Variants in PHF14 observed in about 807,000 individuals in gnomAD.
The protein encoded by PHF14 is PHD finger protein 14.
Under a neutral mutation model 117.9 loss-of-function variants are expected in PHF14, and 55 were observed. The ratio of observed to expected loss-of-function variants is 0.47; its 90% confidence interval spans 0.38 to 0.58. The LOEUF (loss-of-function observed/expected upper bound fraction) is 0.58. Among genes scored for constraint, PHF14 ranks in the 20% least tolerant of loss-of-function variants. The probability of loss-of-function intolerance (pLI) is 0.00; values close to 1 mark genes in which losing one functional copy is unlikely to be tolerated. For synonymous variants in PHF14, 409 were observed against 368.6 expected, an observed-to-expected ratio of 1.11 and a Z score of -1.26; for missense variants, 978 against 1,122.2, an observed-to-expected ratio of 0.87 and a Z score of 1.84.
At chr7:11,053,385 G>T (rs1174033392) in intron 14 of PHF14, among the ~76,000 whole-genome samples, 4 of 151,918 alleles carry the variant, frequency 2.6e-5, no homozygotes, top group Non-Finnish European at 4.4e-5. Context: ...TTTATTTGTA[G>T]TTTCAACTGT....
chr7:11,055,566 A>G (rs922052310), intron 14 of PHF14, among the ~76,000 whole-genome samples: 15 of 152,202 alleles, frequency 9.9e-5, no homozygotes, highest in Admixed American at 2.0e-4. Context: ...ACTGAAAACC[A>G]TATTGTTTTT....
intron 4 of PHF14, among the ~76,000 whole-genome samples, chr7:11,000,034 G>A (rs73678547): frequency 0.02 from 3,087 of 152,258 alleles, 121 homozygotes; most frequent in African/African-American, 0.071. Flanking sequence ...TGCATAAATA[G>A]GGAAGCTGAA....
At chr7:11,012,148 T>C (rs1009523850) in intron 4 of PHF14, among the ~76,000 whole-genome samples, 1 of 152,242 alleles carries the variant, frequency 6.6e-6, no homozygotes, top group Non-Finnish European at 1.5e-5. Flanking sequence ...GATCAAAACC[T>C]GATTTACCAA....
intron 16 of PHF14, chr7:11,108,915 G>T (rs1052029636): frequency 1.3e-5 from 2 of 151,728 alleles, no homozygotes; most frequent in African/African-American, 2.4e-5. Flanking sequence ...ATGACACAGA[G>T]TTATAAAGTA....
chr7:11,134,404 A>G lies in PHF14; in HGVS notation c.2772+22937A>G, dbSNP rs563343610. On this transcript the variant is annotated intron_variant, in intron 17 of 17. Coordinates refer to ENST00000634607, the MANE Select transcript of PHF14 (RefSeq NM_001007157.2). ...AAAGATTCATTTTATATTGTTTGCTATATAATTTAAAGATTTCATGGAGTA... is the reference window on the plus strand; with the variant it reads ...AAAGATTCATTTTATATTGTTTGCTGTATAATTTAAAGATTTCATGGAGTA... Among the ~76,000 whole-genome samples, 158 of 152,172 alleles carry G rather than the reference A, an allele frequency of 1.0e-3. 2 individuals are homozygous for G. Among genetic ancestry groups the G allele is most frequent in the Non-Finnish European group, 1.6e-3 (112 of 67,918 alleles).
chr7:11,043,350 ATGAGTTTTAT>A, intron 13 of PHF14, among the ~76,000 whole-genome samples: 1 of 152,020 alleles, frequency 6.6e-6, no homozygotes, highest in Admixed American at 6.6e-5. Context: ...AGTATCTATA[ATGAGTTTTAT>A]CCTTTTCTTA....
Position 11,169,472 on chromosome 7 carries a change from G to GA in PHF14, c.2834dup (p.Asn945LysfsTer10), listed in dbSNP as rs1156590475. On this transcript the variant is annotated frameshift_variant, in exon 18 of 18. Transcript: ENST00000634607. LOFTEE classifies it high-confidence loss of function. ...TATCTCAGGAGCTCAACATGGAACA[G>GA]AAAAATCCAAAGAAATAAAAGATTT... The GA allele has an allele frequency of 4.7e-6, 7 of 1,497,832 alleles. No homozygotes were observed. Among genetic ancestry groups the GA allele is most frequent in the Non-Finnish European group, 6.3e-6 (7 of 1,108,690 alleles). 92.8% of individuals were successfully genotyped at this position (1,497,832 alleles called of 1,614,324 possible).
intron 13 of PHF14, among the ~76,000 whole-genome samples, chr7:11,045,922 A>G (rs892893820): frequency 6.6e-6 from 1 of 152,208 alleles, no homozygotes; most frequent in African/African-American, 2.4e-5. Flanking sequence ...TTTAGTGCAT[A>G]AGTAAATGTG....
rs1163480513 is a variant in PHF14, at chr7:11,129,813, GA to G, written c.2772+18347del. 2.6e-5 allele frequency among the ~76,000 whole-genome samples: 4 copies of G among 152,038 alleles called. No homozygotes were observed. The East Asian group carries it at 5.8e-4, about 22-fold the overall frequency. ...ATAAAGCATGTATGCATTTAATTAT[GA>G]TATCAAATTTAAAGTGTTAAATGCC... On this transcript the variant is annotated intron_variant, in intron 17 of 17. Coordinates refer to ENST00000634607, the MANE Select transcript of PHF14 (RefSeq NM_001007157.2).
chr7:11,087,067 T>C (rs1277335480), intron 16 of PHF14, among the ~76,000 whole-genome samples: 1 of 152,170 alleles, frequency 6.6e-6, no homozygotes, highest in Non-Finnish European at 1.5e-5. Flanking sequence ...TAAATAAGGG[T>C]ATACTTTGTT....
intron 4 of PHF14, among the ~76,000 whole-genome samples, chr7:11,009,979 C>G (rs1583361237): frequency 6.6e-6 from 1 of 152,064 alleles, no homozygotes; most frequent in East Asian, 1.9e-4. Context: ...TGAAAATTTT[C>G]TTTATTCTGA....
intron 2 of PHF14, among the ~76,000 whole-genome samples, chr7:10,979,634 A>G (rs6955020): frequency 0.11 from 16,731 of 151,292 alleles, 1,141 homozygotes; most frequent in African/African-American, 0.2. Context: ...TATGGAAAAA[A>G]TAGCCAAGGG....
At chr7:11,053,522 G>A (rs921484140) in intron 14 of PHF14, among the ~76,000 whole-genome samples, 1 of 151,924 alleles carries the variant, frequency 6.6e-6, no homozygotes, top group African/African-American at 2.4e-5. Context: ...TTTGAAAATG[G>A]TAACTAGTTA....
chr7:11,096,617 T>G (rs1234784328), intron 16 of PHF14, among the ~76,000 whole-genome samples: 3 of 152,166 alleles, frequency 2.0e-5, no homozygotes, highest in Non-Finnish European at 4.4e-5. Context: ...AAAGCTCTAT[T>G]TGGTTGTTGC....
At chr7:11,051,938 A>G (rs1253394672) in intron 14 of PHF14, among the ~76,000 whole-genome samples, 158 bp downstream of exon 14, 1 of 152,166 alleles carries the variant, frequency 6.6e-6, no homozygotes, top group Admixed American at 6.5e-5. Context: ...GAAATATACC[A>G]CATGCTTACC....
chr7:11,102,502 C>G, intron 16 of PHF14: 5 of 1,608,202 alleles, frequency 3.1e-6, no homozygotes, highest in Non-Finnish European at 4.3e-6. Flanking sequence ...TTCATGAGAC[C>G]CAACTCTGCC....
intron 17 of PHF14, among the ~76,000 whole-genome samples, chr7:11,133,945 C>G (rs777469357): frequency 4.3e-4 from 65 of 151,954 alleles, no homozygotes; most frequent in Admixed American, 9.2e-4. Context: ...CCAGGTGACC[C>G]AAGTGAGGAA....
chr7:11,139,758 C>A (rs1455352703), intron 17 of PHF14, among the ~76,000 whole-genome samples: 2 of 152,112 alleles, frequency 1.3e-5, no homozygotes, highest in African/African-American at 4.8e-5. Context: ...AGACAGATAA[C>A]TTTTGGTACT....
chr7:11,087,872 G>A (rs554093445), intron 16 of PHF14, among the ~76,000 whole-genome samples: 1 of 152,092 alleles, frequency 6.6e-6, no homozygotes, highest in Non-Finnish European at 1.5e-5. Flanking sequence ...TTAAGAAGTC[G>A]AATGGGGGCA....
Sources: allele counts gnomAD v4.1 joint callset (sites outside exome capture counted in the v4.1 genomes callset), GRCh38; gene constraint gnomAD v4.1.1; transcripts MANE v1.5; gene names NCBI Gene and HGNC (gene_info 2026-07-23, HGNC 2026-07-21).